Variants in CLIC5 observed in about 807,000 individuals in gnomAD.
CLIC5 encodes chloride intracellular channel protein 5.
A neutral mutation model predicts 24.7 loss-of-function variants in CLIC5; 20 were observed. The ratio of observed to expected loss-of-function variants is 0.81; its 90% CI spans 0.57 to 1.18. The LOEUF (loss-of-function observed/expected upper bound fraction) is 1.18, where lower values mean the gene tolerates loss of function less well. CLIC5 is among the 50% of genes most tolerant of loss of function. CLIC5 has a pLI of 0.00. For missense variants in CLIC5, 341 were observed against 326.1 expected, an observed-to-expected ratio of 1.05 and a Z score of -0.35; for synonymous variants, 159 against 135.6, an observed-to-expected ratio of 1.17 and a Z score of -1.20.
the CLIC5 span, among the ~76,000 whole-genome samples, chr6:46,121,589 C>T: frequency 6.6e-6 from 1 of 151,988 alleles, no homozygotes; most frequent in Non-Finnish European, 1.5e-5. Context: ...CAATATGAAC[C>T]TTAAATGTAA....
intron 3 of CLIC5, among the ~76,000 whole-genome samples, chr6:45,944,106 CAA>C (rs1764216549): frequency 6.6e-6 from 1 of 151,938 alleles, no homozygotes; most frequent in African/African-American, 2.4e-5. Context: ...TGATGATAAT[CAA>C]AGAGATGATA....
chr6:45,956,893 G>A (rs193260617), intron 1 of CLIC5, among the ~76,000 whole-genome samples: 11 of 152,214 alleles, frequency 7.2e-5, no homozygotes, highest in African/African-American at 2.6e-4. Context: ...ACCTTCCCAC[G>A]GAGGTAAAGT....
At position 45,947,754 on chromosome 6, in the gene CLIC5, C is replaced by T. The variant is rs187645950; in HGVS notation, c.299+1502G>A. On this transcript the variant is annotated intron_variant, in intron 3 of 5. Transcript: ENST00000339561. ...CCCGGGGAGGGGGATGGAGTCTGGGCTCCCTCAGGGCAATTCCAGTGAAGT... is the reference window on the plus strand; with the variant it reads ...CCCGGGGAGGGGGATGGAGTCTGGGTTCCCTCAGGGCAATTCCAGTGAAGT... Among the ~76,000 whole-genome samples, 788 of 152,288 alleles carry T rather than the reference C, an allele frequency of 5.2e-3. 5 individuals carry two copies. Among genetic ancestry groups the T allele is most frequent in the Non-Finnish European group, 9.2e-3 (625 of 68,020 alleles).
chr6:45,982,989 G>A (rs1229524732), intron 1 of CLIC5, among the ~76,000 whole-genome samples: 1 of 152,184 alleles, frequency 6.6e-6, no homozygotes, highest in African/African-American at 2.4e-5. Context: ...CAAGCATAAG[G>A]TGAATTACTA....
intron 1 of CLIC5, among the ~76,000 whole-genome samples, chr6:46,002,542 CA>C (rs1766401019): frequency 6.6e-6 from 1 of 152,188 alleles, no homozygotes; most frequent in Non-Finnish European, 1.5e-5. Flanking sequence ...CTCTCTTACC[CA>C]CTTCCTTCTG....
chr6:45,928,264 A>G (rs1013458795), intron 4 of CLIC5, among the ~76,000 whole-genome samples: 1 of 152,210 alleles, frequency 6.6e-6, no homozygotes, highest in Non-Finnish European at 1.5e-5. Context: ...ACTAGTTGGT[A>G]GCAAAAGATG....
At chr6:46,116,205 T>C in the CLIC5 span, among the ~76,000 whole-genome samples, 1 of 150,398 alleles carries the variant, frequency 6.6e-6, no homozygotes, top group Non-Finnish European at 1.5e-5. Flanking sequence ...GACCACAGAG[T>C]CTGGAAGCAG....
intron 1 of CLIC5, among the ~76,000 whole-genome samples, chr6:46,009,409 G>A (rs564825341): frequency 6.6e-6 from 1 of 152,254 alleles, no homozygotes; most frequent in South Asian, 2.1e-4. Context: ...GTCCCTGACT[G>A]TGGGAGCTGA....
intron 3 of CLIC5, among the ~76,000 whole-genome samples, chr6:45,947,253 C>G (rs1354741423): frequency 2.0e-5 from 3 of 152,186 alleles, no homozygotes; most frequent in Non-Finnish European, 4.4e-5. Context: ...AGAAGCAGCC[C>G]AGGAAAGGCA....
chr6:45,982,847 G>C (rs1474174149), intron 1 of CLIC5, among the ~76,000 whole-genome samples: 2 of 152,148 alleles, frequency 1.3e-5, no homozygotes, highest in African/African-American at 4.8e-5. Context: ...TTCGCTTTTA[G>C]TACTGACTGA....
chr6:45,919,246 T>C (rs911055351), intron 4 of CLIC5, among the ~76,000 whole-genome samples: 1 of 152,132 alleles, frequency 6.6e-6, no homozygotes, highest in Non-Finnish European at 1.5e-5. Context: ...GCACTGGGAA[T>C]TGGGGACTAG....
the CLIC5 span, among the ~76,000 whole-genome samples, chr6:46,109,408 G>A: frequency 8.6e-5 from 13 of 151,192 alleles, no homozygotes; most frequent in South Asian, 8.3e-4. Context: ...TGCCTGGTGC[G>A]GTGGCTTACG....
At chr6:46,016,552 C>CTT (rs1347318118), upstream of CLIC5, among the ~76,000 whole-genome samples, 1 of 152,092 alleles carries the variant, frequency 6.6e-6, no homozygotes, top group African/African-American at 2.4e-5. Context: ...CTATTTCTTC[C>CTT]TTTATTTTCT....
rs72871427 is a variant in CLIC5, at chr6:45,912,436, A to G, written c.588+1792T>C. 31,421 of 1,174,364 alleles carry G rather than the reference A, an allele frequency of 0.027. 473 individuals carry two copies. Among genetic ancestry groups the G allele is most frequent in the Admixed American group, 0.046 (1,246 of 27,138 alleles). The allele number at this position is 1,174,364 out of a possible 1,614,324, so 72.7% of individuals were successfully genotyped here. ...ATGAAGCCCAAGGCTTGGGAGATTC[A>G]TTTGTTTGCTTTGTTCAACAAATGG... On this transcript the variant is annotated intron_variant, in intron 5 of 5. Coordinates refer to ENST00000339561, the MANE Select transcript of CLIC5 (RefSeq NM_016929.5).
At chr6:46,011,145 T>C (rs1435175922) in intron 1 of CLIC5, among the ~76,000 whole-genome samples, 1 of 152,216 alleles carries the variant, frequency 6.6e-6, no homozygotes, top group Non-Finnish European at 1.5e-5. Flanking sequence ...CCATGCTGAA[T>C]TGATGATTCT....
chr6:46,120,673 A>G, the CLIC5 span, among the ~76,000 whole-genome samples: 6 of 152,194 alleles, frequency 3.9e-5, no homozygotes, highest in South Asian at 8.3e-4. Context: ...TAAAGAAGTT[A>G]AAAACACTGA....
At chr6:45,880,911 C>T (rs763401701), downstream of CLIC5, 40 of 380,104 alleles carry the variant, frequency 1.1e-4, no homozygotes, top group Non-Finnish European at 1.7e-4. Flanking sequence ...GCAGTGTTGC[C>T]GGTGACATTT....
intron 4 of CLIC5, among the ~76,000 whole-genome samples, chr6:45,921,682 C>T (rs1763267325): frequency 6.6e-6 from 1 of 151,846 alleles, no homozygotes; most frequent in East Asian, 1.9e-4. Flanking sequence ...CTAGCATGTT[C>T]CAGGTCCAAG....
At chr6:46,021,739 T>A (rs1311386793) in intron 1 of CLIC5, among the ~76,000 whole-genome samples, 4 of 152,202 alleles carry the variant, frequency 2.6e-5, no homozygotes, top group Admixed American at 2.0e-4. Context: ...AATAAAAAAA[T>A]TATAGGGATG....
Sources: gnomAD v4.1 joint callset for allele counts (sites outside exome capture counted in the v4.1 genomes callset) on GRCh38, gnomAD v4.1.1 for gene constraint, MANE v1.5 for transcripts, NCBI Gene and HGNC (gene_info 2026-07-23, HGNC 2026-07-21) for gene names.